The following SRSF4 variants were observed in gnomAD, a reference collection of about 807,000 sequenced individuals.
SRSF4 encodes serine/arginine-rich splicing factor 4.
Under a neutral mutation model 48.8 loss-of-function variants are expected in SRSF4, and 12 were observed. The observed-to-expected ratio is 0.25, with a 90% CI of 0.16 to 0.40. The LOEUF (loss-of-function observed/expected upper bound fraction) is 0.40. Ranked by LOEUF, SRSF4 falls within the 10% of genes least tolerant of loss-of-function variation. The pLI is 1.00. For synonymous variants in SRSF4, 248 were observed against 232.5 expected (o/e 1.07, Z -0.61); for missense variants, 466 against 667.1 (o/e 0.70, Z 3.32).
intron 1 of SRSF4, chr1:29,170,592 A>C (rs1418883666): frequency 6.6e-6 from 1 of 152,108 alleles, no homozygotes; most frequent in Non-Finnish European, 1.5e-5. Flanking sequence ...GCCACTCCCT[A>C]TGCTTTTATT....
At chr1:29,173,934 A>T (rs1315279819) in intron 1 of SRSF4, among the ~76,000 whole-genome samples, 1 of 151,552 alleles carries the variant, frequency 6.6e-6, no homozygotes, top group East Asian at 1.9e-4. Flanking sequence ...CACGCCTGTA[A>T]TCCCAGCACT....
intron 1 of SRSF4, chr1:29,169,711 G>C (rs1672721022): frequency 6.6e-6 from 1 of 152,122 alleles, no homozygotes; most frequent in African/African-American, 2.4e-5. Flanking sequence ...CTCTAATGAT[G>C]AACTAACCAA....
In SRSF4 at chr1:29,148,119, G is replaced by C. The variant is rs985411678; in HGVS notation, c.*291C>G. 3.5e-6 allele frequency: 2 copies of C among 567,310 alleles called. No homozygotes were observed. Among genetic ancestry groups the C allele is most frequent in the African/African-American group, 3.7e-5 (2 of 54,172 alleles). 35.1% of individuals were successfully genotyped at this position (567,310 alleles called of 1,614,324 possible). A position where few individuals can be genotyped will look rare whatever the true frequency, so the allele number is the denominator to read the frequency against. On this transcript the variant is annotated 3_prime_UTR_variant, in exon 6 of 6. Transcript: ENST00000373795. ...CAGCCTTAGAGCCGTCCAGGTTACT[G>C]AGCTCCCTGTAGGAAAGGCCAGGCC...
At chr1:29,172,138 G>A (rs575795988) in intron 1 of SRSF4, 76 of 151,992 alleles carry the variant, frequency 5.0e-4, no homozygotes, top group African/African-American at 1.7e-3. Flanking sequence ...TTTAAAAAGT[G>A]ACTTTTAATA....
intron 1 of SRSF4, among the ~76,000 whole-genome samples, chr1:29,160,744 G>T (rs775886687): frequency 4.6e-5 from 7 of 152,192 alleles, no homozygotes; most frequent in Non-Finnish European, 1.0e-4. Flanking sequence ...CTAGGAGGAG[G>T]CTGGCTACAT....
chr1:29,172,812 T>C (rs1486822912), intron 1 of SRSF4: 2 of 152,178 alleles, frequency 1.3e-5, no homozygotes, highest in Non-Finnish European at 1.5e-5. Context: ...CAAAGTTTTA[T>C]GCACATAATA....
At chr1:29,178,487 G>A (rs1672904528) in intron 1 of SRSF4, among the ~76,000 whole-genome samples, 2 of 151,856 alleles carry the variant, frequency 1.3e-5, no homozygotes, top group Admixed American at 6.6e-5. Context: ...GGGACTACAG[G>A]TGCCTGCCAC....
intron 1 of SRSF4, 151 bp downstream of exon 1, chr1:29,181,495 C>G (rs933389368): frequency 3.6e-5 from 22 of 608,600 alleles, no homozygotes; most frequent in Non-Finnish European, 5.3e-5. Flanking sequence ...CGGGGCCTAC[C>G]CGCGCCCCCG....
chr1:29,172,458 A>G (rs1672758478), intron 1 of SRSF4: 1 of 151,998 alleles, frequency 6.6e-6, no homozygotes, highest in Admixed American at 6.6e-5. Context: ...TGCCCAGCTA[A>G]TTTTTGTAAT....
intron 4 of SRSF4, among the ~76,000 whole-genome samples, chr1:29,153,468 C>G (rs1672447339): frequency 6.6e-6 from 1 of 151,790 alleles, no homozygotes; most frequent in African/African-American, 2.4e-5. Flanking sequence ...TTTACAAAGC[C>G]TTTCCAATGC....
At chr1:29,155,737 C>T (rs1672490024) in intron 3 of SRSF4, among the ~76,000 whole-genome samples, 2 of 152,132 alleles carry the variant, frequency 1.3e-5, no homozygotes, top group Admixed American at 6.5e-5. Context: ...AGGCAATCCA[C>T]CTGCCTCAGC....
At chr1:29,177,714 TA>T (rs1025109078) in intron 1 of SRSF4, among the ~76,000 whole-genome samples, 2 of 152,070 alleles carry the variant, frequency 1.3e-5, no homozygotes, top group African/African-American at 4.8e-5. Flanking sequence ...AAAAGTTCTC[TA>T]GAACAGTGGC....
At position 29,153,830 on chromosome 1, in the gene SRSF4, AC is replaced by A. The variant is rs367767780; in HGVS notation, c.578+865del. The stretch of plus-strand genomic sequence containing the variant: ...TATTGAGGCTGGTCTCGAACTCCTG[AC>A]CTCAGGTGATCTGCCCGCCTTGGCC... On this transcript the variant is annotated intron_variant, in intron 4 of 5. Transcript: ENST00000373795. Among the ~76,000 whole-genome samples the A allele has an allele frequency of 9.9e-5, 15 of 151,916 alleles. No homozygotes were observed. The East Asian group carries it at 2.5e-3, about 26-fold the overall frequency.
intron 3 of SRSF4, among the ~76,000 whole-genome samples, chr1:29,156,936 G>C (rs1004533508): frequency 1.3e-5 from 2 of 152,206 alleles, no homozygotes; most frequent in African/African-American, 4.8e-5. Flanking sequence ...CATTCAGGAC[G>C]AAACGGTGAA....
At chr1:29,163,479 T>C (rs1672628200) in intron 1 of SRSF4, among the ~76,000 whole-genome samples, 1 of 152,222 alleles carries the variant, frequency 6.6e-6, no homozygotes, top group South Asian at 2.1e-4. Context: ...ATACGGACTC[T>C]TGTTCTGAGA....
At chr1:29,164,811 C>T (rs1041202138) in intron 1 of SRSF4, among the ~76,000 whole-genome samples, 1 of 152,156 alleles carries the variant, frequency 6.6e-6, no homozygotes, top group Non-Finnish European at 1.5e-5. Flanking sequence ...AAAAGCATGA[C>T]CTCACTATTC....
chr1:29,159,108 ACAAACCAAAC>A lies in SRSF4; in HGVS notation c.363+256_363+265del, dbSNP rs6143174. 6.0e-3 allele frequency among the ~76,000 whole-genome samples: 885 copies of A among 148,540 alleles called. 6 individuals are homozygous for A. The highest frequency in any genetic ancestry group is 0.027 in the Middle Eastern group (8 of 292). On this transcript the variant is annotated intron_variant, in intron 3 of 5. Coordinates refer to ENST00000373795, the MANE Select transcript of SRSF4 (RefSeq NM_005626.5). ...GCAACACAGCGAGACTCCATCTCAA[ACAAACCAAAC>A]CAAACCAAACCAAACCAAACCAAAC...
chr1:29,148,140 A>G lies in SRSF4; in HGVS notation c.*270T>C. Reference sequence around the variant, plus strand: ...TACTGAGCTCCCTGTAGGAAAGGCCAGGCCTGAAAGCCAAGGCGTTTTGGA... The same window carrying G: ...TACTGAGCTCCCTGTAGGAAAGGCCGGGCCTGAAAGCCAAGGCGTTTTGGA... On this transcript the variant is annotated 3_prime_UTR_variant, in exon 6 of 6. Coordinates refer to ENST00000373795, the MANE Select transcript of SRSF4 (RefSeq NM_005626.5). 1 of 597,184 alleles carries G rather than the reference A, an allele frequency of 1.7e-6. No individual in the cohort carries two copies. Among genetic ancestry groups the G allele is most frequent in the Non-Finnish European group, 3.1e-6 (1 of 319,748 alleles). The allele number at this position is 597,184 out of a possible 1,614,324, so 37.0% of individuals were successfully genotyped here.
At chr1:29,154,211 C>T (rs1574190860) in intron 4 of SRSF4, among the ~76,000 whole-genome samples, 1 of 152,236 alleles carries the variant, frequency 6.6e-6, no homozygotes, top group African/African-American at 2.4e-5. Flanking sequence ...GGATTATAGG[C>T]ACCCACCACG....
Sources: allele counts gnomAD v4.1 joint callset (sites outside exome capture counted in the v4.1 genomes callset), GRCh38; gene constraint gnomAD v4.1.1; transcripts MANE v1.5; gene names NCBI Gene and HGNC (gene_info 2026-07-23, HGNC 2026-07-21).